AGBL4: variants seen among roughly 807,000 people sequenced by gnomAD.
AGBL4 encodes cytosolic carboxypeptidase 6.
Under a neutral mutation model 66.4 loss-of-function variants are expected in AGBL4, and 58 were observed. That is an observed-to-expected ratio of 0.87 (90% CI 0.71 to 1.09). The LOEUF (loss-of-function observed/expected upper bound fraction) is 1.09. Ranked by LOEUF, AGBL4 falls within the 50% of genes least tolerant of loss-of-function variation. The probability of loss-of-function intolerance (pLI) is 0.00; values close to 1 mark genes in which losing one functional copy is unlikely to be tolerated. For missense variants in AGBL4, 579 were observed against 631.0 expected (o/e 0.92, Z 0.88); for synonymous variants, 234 against 222.9 (o/e 1.05, Z -0.44).
At chr1:49,177,171 A>C (rs962931112) in intron 4 of AGBL4, among the ~76,000 whole-genome samples, 2 of 152,156 alleles carry the variant, frequency 1.3e-5, no homozygotes, top group Non-Finnish European at 2.9e-5. Context: ...CACTGAACTT[A>C]ATGCATCCTT....
chr1:48,991,744 C>T (rs1660622745), intron 5 of AGBL4, among the ~76,000 whole-genome samples: 1 of 151,954 alleles, frequency 6.6e-6, no homozygotes, highest in South Asian at 2.1e-4. Flanking sequence ...ATTCTTTCTT[C>T]TGCTTGATCA....
intron 4 of AGBL4, among the ~76,000 whole-genome samples, chr1:49,219,179 A>T (rs1268413628): frequency 1.3e-5 from 2 of 152,116 alleles, no homozygotes; most frequent in Non-Finnish European, 2.9e-5. Context: ...TCCCTTTTCT[A>T]TGATGCACAG....
intron 3 of AGBL4, among the ~76,000 whole-genome samples, chr1:49,476,195 A>C (rs1348996515): frequency 6.6e-6 from 1 of 152,018 alleles, no homozygotes; most frequent in African/African-American, 2.4e-5. Flanking sequence ...ACTCAGGAGA[A>C]AGTTGTTTAA....
chr1:48,848,607 G>A (rs886305332), intron 6 of AGBL4, among the ~76,000 whole-genome samples: 51 of 152,010 alleles, frequency 3.4e-4, no homozygotes, highest in African/African-American at 1.1e-3. Context: ...CATTGAAATC[G>A]ATACCTGCAA....
chr1:49,213,892 T>C (rs947945474), intron 4 of AGBL4, among the ~76,000 whole-genome samples: 1 of 152,072 alleles, frequency 6.6e-6, no homozygotes, highest in African/African-American at 2.4e-5. Context: ...CTCTGAGTAT[T>C]TGATGCAGCC....
intron 3 of AGBL4, among the ~76,000 whole-genome samples, chr1:49,485,537 A>C (rs1329229278): frequency 6.6e-6 from 1 of 151,346 alleles, no homozygotes; most frequent in Non-Finnish European, 1.5e-5. Context: ...CAGCACACCA[A>C]CATGGCACAT....
At chr1:49,760,094 G>T (rs1652189738) in intron 2 of AGBL4, among the ~76,000 whole-genome samples, 1 of 127,406 alleles carries the variant, frequency 7.8e-6, no homozygotes, top group South Asian at 2.6e-4. Flanking sequence ...GCTTTAAAAT[G>T]GTTAATTTTT....
chr1:48,738,108 AGG>A (rs1182115072), intron 6 of AGBL4, among the ~76,000 whole-genome samples: 1 of 152,232 alleles, frequency 6.6e-6, no homozygotes, highest in African/African-American at 2.4e-5. Flanking sequence ...TGGCTTGGGA[AGG>A]AAGGTGAATA....
intron 5 of AGBL4, among the ~76,000 whole-genome samples, chr1:48,990,030 C>G (rs1660485399): frequency 6.6e-6 from 1 of 152,130 alleles, no homozygotes; most frequent in South Asian, 2.1e-4. Context: ...TCTCCACATC[C>G]TTGCCAGCAT....
chr1:49,844,713 C>T lies in AGBL4; in HGVS notation c.157+6683G>A, dbSNP rs573582903. On this transcript the variant is annotated intron_variant, in intron 2 of 13. Coordinates refer to ENST00000371839, the MANE Select transcript of AGBL4 (RefSeq NM_032785.4). ...CAGACTTGGAAACTAGACCCAAAGT[C>T]AAACTGTCAGTTCTAAAGCAACGTA... 4.4e-6 allele frequency: 7 copies of T among 1,604,538 alleles called. No individual in the cohort carries two copies. The African/African-American group carries it at 9.4e-5, about 21-fold the overall frequency.
At chr1:49,577,397 C>T (rs1644458193) in intron 3 of AGBL4, among the ~76,000 whole-genome samples, 1 of 152,236 alleles carries the variant, frequency 6.6e-6, no homozygotes, top group African/African-American at 2.4e-5. Context: ...GCTATGGCCA[C>T]TGCTGAGTGC....
chr1:48,673,720 A>G (rs912478610), intron 6 of AGBL4, among the ~76,000 whole-genome samples: 1 of 152,266 alleles, frequency 6.6e-6, no homozygotes, highest in Non-Finnish European at 1.5e-5. Flanking sequence ...TGTTAAACAG[A>G]CTATGGAATG....
At chr1:49,874,813 T>G (rs1399814280) in intron 1 of AGBL4, among the ~76,000 whole-genome samples, 1 of 150,134 alleles carries the variant, frequency 6.7e-6, no homozygotes, top group Non-Finnish European at 1.5e-5. Flanking sequence ...ATTATTTTTT[T>G]GTTTTGTTTT....
At chr1:49,381,033 G>T (rs1016676318) in intron 3 of AGBL4, among the ~76,000 whole-genome samples, 13 of 152,220 alleles carry the variant, frequency 8.5e-5, no homozygotes, top group African/African-American at 3.1e-4. Flanking sequence ...TGCAGCAAAA[G>T]AAACTACCAT....
intron 4 of AGBL4, among the ~76,000 whole-genome samples, chr1:49,098,213 T>C (rs1645141279): frequency 6.6e-6 from 1 of 152,184 alleles, no homozygotes; most frequent in Admixed American, 6.5e-5. Context: ...AAACATGATA[T>C]GTAAAAACTC....
intron 2 of AGBL4, among the ~76,000 whole-genome samples, chr1:49,850,926 A>G (rs1646287216): frequency 6.6e-6 from 1 of 152,042 alleles, no homozygotes; most frequent in South Asian, 2.1e-4. Flanking sequence ...CACCCACAGC[A>G]TTTGCCAATT....
intron 3 of AGBL4, among the ~76,000 whole-genome samples, chr1:49,310,187 G>C (rs1426675233): frequency 6.6e-6 from 1 of 152,082 alleles, no homozygotes; most frequent in African/African-American, 2.4e-5. Flanking sequence ...AGTCAGAGAG[G>C]ATACAATGTG....
At chr1:49,445,604 T>C (rs1646136987) in intron 3 of AGBL4, among the ~76,000 whole-genome samples, 1 of 152,064 alleles carries the variant, frequency 6.6e-6, no homozygotes, top group South Asian at 2.1e-4. Flanking sequence ...AAGACCTATG[T>C]TCAAGTTCTG....
At chr1:49,985,830 T>A (rs1266652021) in intron 1 of AGBL4, among the ~76,000 whole-genome samples, 1 of 152,126 alleles carries the variant, frequency 6.6e-6, no homozygotes, top group African/African-American at 2.4e-5. Context: ...AACTATGCAG[T>A]TGATCCTCAC....
Sources: allele counts gnomAD v4.1 joint callset (sites outside exome capture counted in the v4.1 genomes callset), GRCh38; gene constraint gnomAD v4.1.1; transcripts MANE v1.5; gene names NCBI Gene and HGNC (gene_info 2026-07-23, HGNC 2026-07-21).